The following SND1 variants were observed in gnomAD, a reference collection of about 807,000 sequenced individuals.
SND1 encodes staphylococcal nuclease domain-containing protein 1.
SND1 carries 38 observed loss-of-function variants against 121.7 expected under a neutral mutation model. The observed-to-expected ratio is 0.31, with a 90% CI of 0.24 to 0.41. SND1 has a LOEUF of 0.41. Ranked by LOEUF, SND1 falls within the 10% of genes least tolerant of loss-of-function variation. The probability of loss-of-function intolerance (pLI) is 1.00; values close to 1 mark genes in which losing one functional copy is unlikely to be tolerated. For synonymous variants in SND1, 401 were observed against 447.4 expected (o/e 0.90, Z 1.31); for missense variants, 868 against 1,184.6 (o/e 0.73, Z 3.92).
At chr7:127,908,370 T>A (rs1043211868) in intron 14 of SND1, among the ~76,000 whole-genome samples, 1 of 146,178 alleles carries the variant, frequency 6.8e-6, no homozygotes, top group African/African-American at 2.5e-5. Flanking sequence ...GCGTGCGTGT[T>A]GACCCATCTG....
At chr7:127,968,812 G>T (rs981186426) in intron 15 of SND1, among the ~76,000 whole-genome samples, 4 of 152,180 alleles carry the variant, frequency 2.6e-5, no homozygotes, top group African/African-American at 9.7e-5. Context: ...ACTGGGCTGT[G>T]GTTCTCAGAA....
intron 15 of SND1, among the ~76,000 whole-genome samples, chr7:127,986,313 T>G (rs1321840254): frequency 2.0e-5 from 3 of 152,258 alleles, no homozygotes; most frequent in Non-Finnish European, 4.4e-5. Context: ...ATAGAATGAT[T>G]GCTCCATAGC....
At chr7:127,857,183 C>CTTTTTTT (rs71522259) in intron 12 of SND1, among the ~76,000 whole-genome samples, 7 of 67,992 alleles carry the variant, frequency 1.0e-4, no homozygotes, top group Admixed American at 2.0e-4. Flanking sequence ...AATGTCAACA[C>CTTTTTTT]TTTTTTTTTT....
In SND1 at chr7:128,029,338, C is replaced by T. The variant is rs1275724385; in HGVS notation, c.1779+38282C>T. 2 of 1,613,986 alleles carry T rather than the reference C, an allele frequency of 1.2e-6. No homozygotes were observed. Among genetic ancestry groups the T allele is most frequent in the South Asian group, 1.1e-5 (1 of 91,074 alleles). On this transcript the variant is annotated intron_variant, in intron 16 of 23. Coordinates refer to ENST00000354725, the MANE Select transcript of SND1 (RefSeq NM_014390.4). The surrounding 1 kb of genome is among the most constrained non-coding windows in gnomAD (Gnocchi z 4.2). The stretch of plus-strand genomic sequence containing the variant: ...GTGCTCACATTGAGGTAGGCCGAGG[C>T]GTTGGAGTTGCCTGCAACATTGGTC...
intron 11 of SND1, among the ~76,000 whole-genome samples, chr7:127,809,898 A>G (rs150419416): frequency 2.0e-4 from 31 of 152,306 alleles, no homozygotes; most frequent in African/African-American, 7.5e-4. Context: ...CTTTAATTAA[A>G]TTACCCATAC....
chr7:127,923,466 C>A (rs1481053010), intron 14 of SND1, among the ~76,000 whole-genome samples: 1 of 152,178 alleles, frequency 6.6e-6, no homozygotes, highest in Non-Finnish European at 1.5e-5. Flanking sequence ...CAGGGAAGAG[C>A]AGTTTCAAAT....
intron 12 of SND1, among the ~76,000 whole-genome samples, chr7:127,847,542 T>G (rs570842587): frequency 7.2e-5 from 11 of 152,342 alleles, no homozygotes; most frequent in African/African-American, 1.7e-4. Context: ...GACCACCTAT[T>G]TGATATCTTG....
chr7:127,781,057 G>T (rs2116519143), intron 10 of SND1, among the ~76,000 whole-genome samples: 1 of 152,318 alleles, frequency 6.6e-6, no homozygotes, highest in Middle Eastern at 3.4e-3. Flanking sequence ...AGTAGGATCA[G>T]ATATATGGGA....
At chr7:127,656,419 T>C (rs982239306) in intron 1 of SND1, among the ~76,000 whole-genome samples, 1 of 151,316 alleles carries the variant, frequency 6.6e-6, no homozygotes, top group Non-Finnish European at 1.5e-5. Context: ...ACCTCTTGGG[T>C]TCAAGCGATT....
chr7:127,816,662 CTT>C (rs919893026), intron 11 of SND1, among the ~76,000 whole-genome samples: 16 of 135,198 alleles, frequency 1.2e-4, no homozygotes, highest in African/African-American at 8.3e-5. Flanking sequence ...TTCTCAAACT[CTT>C]TTTTTTTTTT....
intron 10 of SND1, among the ~76,000 whole-genome samples, chr7:127,727,491 C>T (rs1055957169): frequency 2.6e-5 from 4 of 152,262 alleles, no homozygotes; most frequent in African/African-American, 4.8e-5. Flanking sequence ...CTCTGAGACA[C>T]GTGCCAACAG....
Position 127,974,382 on chromosome 7 carries a change from C to G in SND1, c.1670-16565C>G, listed in dbSNP as rs116670956. On this transcript the variant is annotated intron_variant, in intron 15 of 23. Transcript: ENST00000354725. ...ACTTGAAGATTCGTTCATGCTCCTT[C>G]TTTGATCTTGTCTGCCCTGGAAATA... 2.5e-3 allele frequency among the ~76,000 whole-genome samples: 377 copies of G among 152,270 alleles called. 2 individuals carry two copies. The highest frequency in any genetic ancestry group is 8.7e-3 in the African/African-American group (362 of 41,542).
intron 13 of SND1, among the ~76,000 whole-genome samples, chr7:127,890,321 CT>C (rs1799986737): frequency 6.6e-6 from 1 of 152,054 alleles, no homozygotes; most frequent in Admixed American, 6.6e-5. Flanking sequence ...CTTTTTATGT[CT>C]TCTTTTGAGA....
At chr7:127,924,050 T>G (rs1800781339) in intron 14 of SND1, among the ~76,000 whole-genome samples, 1 of 152,034 alleles carries the variant, frequency 6.6e-6, no homozygotes, top group Admixed American at 6.6e-5. Flanking sequence ...GAGTTAAGAT[T>G]GGTTAGACCC....
At chr7:127,773,040 G>C (rs1041202713) in intron 10 of SND1, among the ~76,000 whole-genome samples, 1 of 152,180 alleles carries the variant, frequency 6.6e-6, no homozygotes, top group Non-Finnish European at 1.5e-5. Context: ...ACACTGAATG[G>C]AGAAACCACA....
intron 16 of SND1, among the ~76,000 whole-genome samples, chr7:128,033,394 C>T (rs1406975354): frequency 6.6e-6 from 1 of 152,144 alleles, no homozygotes; most frequent in African/African-American, 2.4e-5. Context: ...CAAGAGCTGC[C>T]TCCAGACTCC....
chr7:127,830,351 C>T (rs1798715935), intron 11 of SND1, among the ~76,000 whole-genome samples: 1 of 152,148 alleles, frequency 6.6e-6, no homozygotes, highest in South Asian at 2.1e-4. Context: ...CCAAGAAGGC[C>T]TTGGTGTTTC....
Position 128,092,315 on chromosome 7 carries a change from T to G in SND1, c.*257T>G. The G allele has an allele frequency of 2.1e-6, 1 of 473,158 alleles. No homozygotes were observed. The highest frequency in any genetic ancestry group is 3.7e-6 in the Non-Finnish European group (1 of 267,188). The allele number at this position is 473,158 out of a possible 1,614,324, so 29.3% of individuals were successfully genotyped here. ...TGCCAGTTGGTTTTATTTGGAGGTT[T>G]GTGGGCTTTTTTTAAAAAAAAAAAG... On this transcript the variant is annotated 3_prime_UTR_variant, in exon 24 of 24. Coordinates refer to ENST00000354725, the MANE Select transcript of SND1 (RefSeq NM_014390.4). The surrounding 1 kb of genome is among the most constrained non-coding windows in gnomAD (Gnocchi z 4.9).
chr7:127,838,623 G>A (rs367893339), intron 11 of SND1, among the ~76,000 whole-genome samples: 11 of 152,162 alleles, frequency 7.2e-5, no homozygotes, highest in South Asian at 6.2e-4. Context: ...AAATACTAGT[G>A]TATCATTCTT....
Sources: allele counts gnomAD v4.1 joint callset (sites outside exome capture counted in the v4.1 genomes callset), GRCh38; gene constraint gnomAD v4.1.1; non-coding constraint Gnocchi (gnomAD v3.1); transcripts MANE v1.5; gene names NCBI Gene and HGNC (gene_info 2026-07-23, HGNC 2026-07-21).